The following STAC variants were observed in gnomAD, a reference collection of about 807,000 sequenced individuals.
STAC encodes the protein SH3 and cysteine-rich domain-containing protein.
Under a neutral mutation model 48.8 loss-of-function variants are expected in STAC, and 43 were observed. The observed-to-expected ratio is 0.88, with a 90% CI of 0.69 to 1.14. The LOEUF (loss-of-function observed/expected upper bound fraction) is 1.14, where lower values mean the gene tolerates loss of function less well. Among genes scored for constraint, STAC ranks in the 50% most tolerant of loss-of-function variants. The pLI, the probability that STAC is intolerant of heterozygous loss-of-function variation, is 0.00. For synonymous variants in STAC, 193 were observed against 179.5 expected, an observed-to-expected ratio of 1.07 and a Z score of -0.60; for missense variants, 497 against 504.0, an observed-to-expected ratio of 0.99 and a Z score of 0.13.
chr3:36,440,057 C>T (rs1696297112), intron 1 of STAC, among the ~76,000 whole-genome samples: 1 of 152,218 alleles, frequency 6.6e-6, no homozygotes, highest in South Asian at 2.1e-4. Context: ...CAGGTTGTTA[C>T]AGCGTCTCTG....
At chr3:36,407,560 C>T (rs781216926) in intron 1 of STAC, among the ~76,000 whole-genome samples, 11 of 152,170 alleles carry the variant, frequency 7.2e-5, no homozygotes, top group Non-Finnish European at 1.5e-4. Context: ...TCCAGAGGCA[C>T]CAGTCACTGC....
At chr3:36,517,860 G>A (rs1698711777) in intron 8 of STAC, among the ~76,000 whole-genome samples, 1 of 151,538 alleles carries the variant, frequency 6.6e-6, no homozygotes, top group South Asian at 2.1e-4. Context: ...CACACTCACA[G>A]TCACACACAC....
chr3:36,528,776 AAG>A (rs761123421), intron 9 of STAC, 29 bp downstream of exon 9: 23 of 1,600,542 alleles, frequency 1.4e-5, no homozygotes, highest in African/African-American at 2.7e-5. Flanking sequence ...TTAAAAAAAA[AAG>A]AGAAAATCAT....
chr3:36,497,878 G>A (rs1479180698), intron 6 of STAC, among the ~76,000 whole-genome samples: 4 of 152,158 alleles, frequency 2.6e-5, no homozygotes, highest in Non-Finnish European at 4.4e-5. Context: ...TTAGTTTAAT[G>A]TAGTTTAAAG....
In STAC at chr3:36,546,671, G is replaced by A. The variant is rs781760494; in HGVS notation, c.*382G>A. On this transcript the variant is annotated 3_prime_UTR_variant, in exon 11 of 11. Transcript: ENST00000273183. ...AGCCCAGTGCAAGGTTCAGATCCAT[G>A]TAGCTAAGTATTATCCTGCTTCCAG... is the stretch of plus-strand genomic sequence containing the variant. 6.3e-5 allele frequency: 15 copies of A among 237,966 alleles called. No homozygotes were observed. The highest frequency in any genetic ancestry group is 2.0e-4 in the Admixed American group (4 of 20,376). 14.7% of individuals were successfully genotyped at this position (237,966 alleles called of 1,614,324 possible). A position where few individuals can be genotyped will look rare whatever the true frequency, so the allele number is the denominator to read the frequency against.
In STAC at chr3:36,400,440, G is replaced by A. The variant is rs1169009756; in HGVS notation, c.111+19686G>A. Among the ~76,000 whole-genome samples, 215 of 152,136 alleles carry A rather than the reference G, an allele frequency of 1.4e-3. 3 individuals carry two copies. Among genetic ancestry groups the A allele is most frequent in the Non-Finnish European group, 2.5e-4 (17 of 68,034 alleles). ...CCATGATTTTAGGGTTGAGGGAACT[G>A]AGGCTCACAGAGCTTGAATTATTCT... On this transcript the variant is annotated intron_variant, in intron 1 of 10. Transcript: ENST00000273183.
chr3:36,462,561 A>G lies in STAC; in HGVS notation c.388+18921A>G, dbSNP rs542527755. On this transcript the variant is annotated intron_variant, in intron 2 of 10. Transcript: ENST00000273183. The stretch of plus-strand genomic sequence containing the variant: ...CTCCAATGTTAAAAAGTTGGGTAGA[A>G]GAGGAGGAACTAGCAAAGGGACTGG... 1.5e-4 allele frequency among the ~76,000 whole-genome samples: 23 copies of G among 152,286 alleles called. 1 individual carries two copies. The East Asian group carries it at 4.4e-3, about 29-fold the overall frequency.
intron 2 of STAC, among the ~76,000 whole-genome samples, chr3:36,449,124 A>G (rs775800605): frequency 1.3e-5 from 2 of 152,064 alleles, no homozygotes; most frequent in Non-Finnish European, 2.9e-5. Context: ...ATCTCTTAAA[A>G]AAAAATTAAG....
chr3:36,509,791 C>G (rs148522140), intron 8 of STAC, among the ~76,000 whole-genome samples: 4 of 151,850 alleles, frequency 2.6e-5, no homozygotes, highest in Non-Finnish European at 5.9e-5. Context: ...CTGCCTTACA[C>G]CTTATACAAA....
chr3:36,520,445 T>C (rs1698773855), intron 8 of STAC, among the ~76,000 whole-genome samples: 1 of 152,182 alleles, frequency 6.6e-6, no homozygotes, highest in Non-Finnish European at 1.5e-5. Flanking sequence ...CAATGCTCTG[T>C]GCACAGGTCT....
chr3:36,463,387 C>A (rs1697073152), intron 2 of STAC, among the ~76,000 whole-genome samples: 1 of 152,070 alleles, frequency 6.6e-6, no homozygotes, highest in African/African-American at 2.4e-5. Flanking sequence ...TGGAGCCGGG[C>A]TTTGAATCCA....
intron 1 of STAC, among the ~76,000 whole-genome samples, chr3:36,393,782 T>C (rs775748126): frequency 5.3e-5 from 8 of 151,028 alleles, no homozygotes; most frequent in Non-Finnish European, 1.0e-4. Flanking sequence ...ATCTCAGACT[T>C]CCAGCTTCCA....
In STAC at chr3:36,443,481, GC is replaced by G. The variant is rs768034956; in HGVS notation, c.230del (p.Ala77ValfsTer16). The G allele has an allele frequency of 6.2e-7, 1 of 1,614,214 alleles. No individual in the cohort carries two copies. The highest frequency in any genetic ancestry group is 1.7e-5 in the Admixed American group (1 of 60,028). On this transcript the variant is annotated frameshift_variant, in exon 2 of 11. Transcript: ENST00000273183. LOFTEE classifies it high-confidence loss of function. The surrounding 1 kb of genome is among the most constrained non-coding windows in gnomAD (Gnocchi z 4.2). Reference sequence around the variant, plus strand: ...CATGAAACTGCAAGCACACATGGTGGCTGAGATCAGCCCCAGCTCCAGCCCA... The same window carrying G: ...CATGAAACTGCAAGCACACATGGTGGTGAGATCAGCCCCAGCTCCAGCCCA... ...EDMKLQAHMV[A>X]EISPSSSPLP...
intron 5 of STAC, among the ~76,000 whole-genome samples, chr3:36,491,962 C>T (rs1295728942): frequency 7.7e-6 from 1 of 129,858 alleles, no homozygotes; most frequent in Non-Finnish European, 1.6e-5. Flanking sequence ...GAGATTGCAC[C>T]ACTGCACTCC....
At chr3:36,512,200 T>C (rs1698559212) in intron 8 of STAC, among the ~76,000 whole-genome samples, 1 of 152,140 alleles carries the variant, frequency 6.6e-6, no homozygotes, top group South Asian at 2.1e-4. Context: ...GTTGTAAATA[T>C]TACCTGAACA....
intron 1 of STAC, among the ~76,000 whole-genome samples, chr3:36,428,050 A>T (rs1372430632): frequency 9.8e-5 from 15 of 152,332 alleles, no homozygotes; most frequent in Admixed American, 9.8e-4. Flanking sequence ...AAAGCAATGC[A>T]TAATCCTAGA....
chr3:36,443,752 C>T lies in STAC; in HGVS notation c.388+112C>T. 7.3e-7 allele frequency: 1 copy of T among 1,369,266 alleles called. No individual in the cohort carries two copies. Among genetic ancestry groups the T allele is most frequent in the Non-Finnish European group, 1.0e-6 (1 of 1,001,844 alleles). 84.8% of individuals were successfully genotyped at this position (1,369,266 alleles called of 1,614,324 possible). On this transcript the variant is annotated intron_variant, in intron 2 of 10. Coordinates refer to ENST00000273183, the MANE Select transcript of STAC (RefSeq NM_003149.3). This position sits in a 1 kb window ranked among gnomAD's most constrained non-coding sequence, Gnocchi z 4.2. ...ACAGATGCTAGGCCTCAGAGATTTA[C>T]ATGTGGGAAGATCATTCAGGAGTGC... is the stretch of plus-strand genomic sequence containing the variant.
At chr3:36,487,954 T>C (rs1697860308) in intron 5 of STAC, among the ~76,000 whole-genome samples, 1 of 152,192 alleles carries the variant, frequency 6.6e-6, no homozygotes, top group Admixed American at 6.5e-5. Context: ...GATGAAAATA[T>C]ACAAAGCATA....
chr3:36,485,421 C>T (rs1375857386), intron 4 of STAC, among the ~76,000 whole-genome samples: 2 of 152,196 alleles, frequency 1.3e-5, no homozygotes, highest in Non-Finnish European at 2.9e-5. Flanking sequence ...GTTACTTGAC[C>T]TGTCAACCCC....
Sources: allele counts gnomAD v4.1 joint callset (sites outside exome capture counted in the v4.1 genomes callset), GRCh38; gene constraint gnomAD v4.1.1; non-coding constraint Gnocchi (gnomAD v3.1); transcripts MANE v1.5; gene names NCBI Gene and HGNC (gene_info 2026-07-23, HGNC 2026-07-21).